AHCYL2: variants seen among roughly 807,000 people sequenced by gnomAD.
The protein encoded by AHCYL2 is adenosylhomocysteinase like 2.
A neutral mutation model predicts 81.4 loss-of-function variants in AHCYL2; 28 were observed. The ratio of observed to expected loss-of-function variants is 0.34; its 90% CI spans 0.25 to 0.47. AHCYL2 has a LOEUF of 0.47. Ranked by LOEUF, AHCYL2 falls within the 20% of genes least tolerant of loss-of-function variation. The pLI is 1.00. For synonymous variants in AHCYL2, 272 were observed against 290.2 expected (o/e 0.94, Z 0.64); for missense variants, 551 against 785.1 (o/e 0.70, Z 3.56).
chr7:129,253,014 C>T (rs1273188639), intron 1 of AHCYL2, among the ~76,000 whole-genome samples: 3 of 152,022 alleles, frequency 2.0e-5, no homozygotes, highest in Admixed American at 6.6e-5. Context: ...CAAGACCAGC[C>T]TGGCCAAGAT....
intron 1 of AHCYL2, among the ~76,000 whole-genome samples, chr7:129,279,388 A>T (rs907550319): frequency 5.9e-5 from 9 of 152,044 alleles, no homozygotes; most frequent in Non-Finnish European, 4.4e-5. Flanking sequence ...ACCTCAGGTG[A>T]TCCCCCCACC....
intron 13 of AHCYL2, 115 bp from the exon 14 acceptor site, chr7:129,424,759 C>T (rs1299408103): frequency 9.4e-7 from 1 of 1,067,576 alleles, no homozygotes; most frequent in Non-Finnish European, 1.4e-6. Flanking sequence ...GCTTTTTTTC[C>T]AGCAGTGTTA....
At chr7:129,258,222 A>C (rs573014421) in intron 1 of AHCYL2, among the ~76,000 whole-genome samples, 1 of 145,532 alleles carries the variant, frequency 6.9e-6, no homozygotes, top group South Asian at 2.2e-4. Flanking sequence ...TCAGATTCAC[A>C]GTTCTCAATT....
chr7:129,424,923 C>G lies in AHCYL2; in HGVS notation c.1610C>G (p.Ser537Ter). Residue 537 changes from serine to a stop codon, truncating the protein, a stop_gained, in exon 14 of 17, where the codon TCA becomes TGA. Coordinates refer to ENST00000325006, the MANE Select transcript of AHCYL2 (RefSeq NM_015328.4). LOFTEE classifies it high-confidence loss of function. ...SCSTVPTFVL[S>*]ITATTQALAL... ...TCCACAGTGCCTACATTTGTGCTCT[C>G]AATCACTGCTACTACTCAGGTAAGG... The G allele has an allele frequency of 6.2e-7, 1 of 1,613,838 alleles. No individual in the cohort carries two copies. The highest frequency in any genetic ancestry group is 8.5e-7 in the Non-Finnish European group (1 of 1,180,018).
chr7:129,293,783 T>C, intron 1 of AHCYL2, among the ~76,000 whole-genome samples: 1 of 152,270 alleles, frequency 6.6e-6, no homozygotes, highest in Non-Finnish European at 1.5e-5. Context: ...CAAATATTTA[T>C]AGCAGTAATC....
chr7:129,294,391 G>T (rs1382907849), intron 1 of AHCYL2, among the ~76,000 whole-genome samples: 1 of 151,988 alleles, frequency 6.6e-6, no homozygotes, highest in Non-Finnish European at 1.5e-5. Flanking sequence ...AGAGGCTGTT[G>T]GTCTGTTTAA....
At chr7:129,311,909 C>T (rs1233384750) in intron 1 of AHCYL2, among the ~76,000 whole-genome samples, 1 of 152,180 alleles carries the variant, frequency 6.6e-6, no homozygotes, top group Non-Finnish European at 1.5e-5. Flanking sequence ...AGGCAACGGC[C>T]TTAAAATTGA....
intron 1 of AHCYL2, among the ~76,000 whole-genome samples, chr7:129,337,695 G>A (rs906851048): frequency 9.9e-5 from 15 of 152,074 alleles, no homozygotes; most frequent in Admixed American, 3.3e-4. Context: ...CACTGTGCCC[G>A]TCCATGCCAT....
At chr7:129,269,699 G>A (rs936034225) in intron 1 of AHCYL2, among the ~76,000 whole-genome samples, 3 of 152,130 alleles carry the variant, frequency 2.0e-5, no homozygotes, top group Admixed American at 6.6e-5. Context: ...GCCTCTCAAA[G>A]TGTAGCCACC....
At chr7:129,334,728 C>T (rs1269716983) in intron 1 of AHCYL2, among the ~76,000 whole-genome samples, 2 of 152,024 alleles carry the variant, frequency 1.3e-5, no homozygotes, top group African/African-American at 4.8e-5. Context: ...TAGAGACAAG[C>T]AGAATTGAGA....
chr7:129,339,253 G>A (rs577981665), intron 1 of AHCYL2, among the ~76,000 whole-genome samples: 2 of 152,272 alleles, frequency 1.3e-5, no homozygotes, highest in African/African-American at 4.8e-5. Context: ...TACGTTCATG[G>A]TGGAAGTGCA....
At chr7:129,355,678 G>T (rs1329740304) in intron 1 of AHCYL2, among the ~76,000 whole-genome samples, 1 of 152,162 alleles carries the variant, frequency 6.6e-6, no homozygotes, top group African/African-American at 2.4e-5. Flanking sequence ...AGCTGCTAGA[G>T]AATGAGTTGT....
intron 1 of AHCYL2, among the ~76,000 whole-genome samples, chr7:129,292,500 C>T (rs1796901952): frequency 6.6e-6 from 1 of 152,198 alleles, no homozygotes; most frequent in African/African-American, 2.4e-5. Flanking sequence ...GGCACGGTGG[C>T]TCACGCCTGT....
intron 1 of AHCYL2, among the ~76,000 whole-genome samples, chr7:129,305,066 T>A (rs968278234): frequency 6.6e-6 from 1 of 152,222 alleles, no homozygotes; most frequent in Non-Finnish European, 1.5e-5. Context: ...GTTTTTAGAT[T>A]TGTGGTTACC....
intron 1 of AHCYL2, among the ~76,000 whole-genome samples, chr7:129,311,113 A>G (rs1042317782): frequency 5.9e-5 from 9 of 152,132 alleles, no homozygotes; most frequent in African/African-American, 2.2e-4. Flanking sequence ...CTCAAAAAAA[A>G]AAAAAAATGT....
intron 1 of AHCYL2, among the ~76,000 whole-genome samples, chr7:129,229,061 CTTTTTTTTTTTTT>C (rs59291148): frequency 6.9e-6 from 1 of 144,750 alleles, no homozygotes; most frequent in Admixed American, 6.8e-5. Flanking sequence ...AATAATTAGC[CTTTTTTTTTTTTT>C]TTTTTTTTTT....
intron 1 of AHCYL2, among the ~76,000 whole-genome samples, chr7:129,247,703 A>T (rs1043494031): frequency 6.6e-6 from 1 of 151,868 alleles, no homozygotes; most frequent in Admixed American, 6.6e-5. Flanking sequence ...CTGGGCTCAG[A>T]TGATTCTCCC....
intron 1 of AHCYL2, among the ~76,000 whole-genome samples, chr7:129,324,268 G>GAT (rs1353487021): frequency 6.6e-6 from 1 of 152,064 alleles, no homozygotes; most frequent in Non-Finnish European, 1.5e-5. Context: ...ATGTAAAGTA[G>GAT]ATGTCTTATA....
At chr7:129,396,547 G>A (rs905824010) in intron 4 of AHCYL2, among the ~76,000 whole-genome samples, 3 of 151,674 alleles carry the variant, frequency 2.0e-5, no homozygotes, top group Non-Finnish European at 2.9e-5. Flanking sequence ...TCAGCCTCCC[G>A]AGTAGCTGGG....
Sources: gnomAD v4.1 joint callset for allele counts (sites outside exome capture counted in the v4.1 genomes callset) on GRCh38, gnomAD v4.1.1 for gene constraint, MANE v1.5 for transcripts, NCBI Gene and HGNC (gene_info 2026-07-23, HGNC 2026-07-21) for gene names.